Variants in TBC1D9B observed in about 807,000 individuals in gnomAD.
TBC1D9B encodes TBC1 domain family, member 9B (with GRAM domain).
In TBC1D9B, 87 loss-of-function variants were observed where a neutral mutation model predicts 121.1. The ratio of observed to expected loss-of-function variants is 0.72; its 90% confidence interval spans 0.60 to 0.86. The LOEUF (loss-of-function observed/expected upper bound fraction) is 0.86. Ranked by LOEUF, TBC1D9B falls within the 40% of genes least tolerant of loss-of-function variation. TBC1D9B has a pLI of 0.00. For missense variants in TBC1D9B, 1,540 were observed against 1,628.6 expected, an observed-to-expected ratio of 0.95 and a Z score of 0.94; for synonymous variants, 668 against 670.1, an observed-to-expected ratio of 1.00 and a Z score of 0.05.
Position 179,874,911 on chromosome 5 carries a change from A to T in TBC1D9B, c.2177T>A (p.Met726Lys). The T allele has an allele frequency of 6.2e-7, 1 of 1,613,244 alleles. No individual in the cohort carries two copies. The highest frequency in any genetic ancestry group is 8.5e-7 in the Non-Finnish European group (1 of 1,179,966). Residue 726 changes from methionine to lysine, a missense_variant, in exon 12 of 21, where the codon ATG becomes AAG. Physicochemically the swap from Met to Lys is moderately conservative, Grantham distance 95. Coordinates refer to ENST00000355235, the MANE Select transcript of TBC1D9B (RefSeq NM_015043.4). The surrounding 1 kb of genome is among the most constrained non-coding windows in gnomAD (Gnocchi z 4.3). ...GCSDEGEAMT[M>K]LGRYLDNVVN... is the part of the protein sequence containing the mutation. ...GAACCCGGCATGTCACCTGCCCAGC[A>T]TGGTCATGGCCTCGCCCTCGTCGCT... is the stretch of plus-strand genomic sequence containing the variant.
In TBC1D9B at chr5:179,863,478, A is replaced by C. The variant is rs772596176; in HGVS notation, c.3672T>G (p.Ser1224Arg). 2.5e-5 allele frequency: 40 copies of C among 1,614,040 alleles called. No individual in the cohort carries two copies. The highest frequency in any genetic ancestry group is 1.6e-4 in the Middle Eastern group (1 of 6,084). The change falls in exon 21 of 21, where the codon AGT becomes AGG. Residue 1224 changes from serine (S) to arginine (R), a missense_variant. Physicochemically the swap from Ser to Arg is moderately radical, Grantham distance 110 (BLOSUM62 -1). Transcript: ENST00000355235. The surrounding 1 kb of genome is among the most constrained non-coding windows in gnomAD (Gnocchi z 4.5). ...CGGAAACTCCAGGCTGCTCATGGTCACTGGCGGTGCTGAACTGTCTCTCCA... is the reference window on the plus strand; with the variant it reads ...CGGAAACTCCAGGCTGCTCATGGTCCCTGGCGGTGCTGAACTGTCTCTCCA... ...KKVERQFSTA[S>R]DHEQPGVSG is the part of the protein sequence containing the mutation.
chr5:179,893,578 C>G, intron 4 of TBC1D9B, 111 bp from the exon 5 acceptor site: 1 of 1,404,902 alleles, frequency 7.1e-7, no homozygotes, highest in Non-Finnish European at 9.5e-7. Context: ...GGGGGCAGCA[C>G]TTCCTGTGTG....
In TBC1D9B at chr5:179,862,144, A is replaced by G. The variant is rs1759856354; in HGVS notation, c.*1304T>C. On this transcript the variant is annotated 3_prime_UTR_variant, in exon 21 of 21. Transcript: ENST00000355235. ...TTAAGGTGCCTAATTCATAAACTTA[A>G]TCACAGGTATGTATGCATAGGAAAA... is the stretch of plus-strand genomic sequence containing the variant. The G allele has an allele frequency of 5.9e-6, 1 of 169,180 alleles. No homozygotes were observed. The highest frequency in any genetic ancestry group is 1.3e-5 in the Non-Finnish European group (1 of 76,788). 10.5% of individuals were successfully genotyped at this position (169,180 alleles called of 1,614,324 possible). A position where few individuals can be genotyped will look rare whatever the true frequency, so the allele number is the denominator to read the frequency against.
In TBC1D9B at chr5:179,891,552, G is replaced by T; in HGVS notation, c.871C>A (p.Arg291=). 6.2e-7 allele frequency: 1 copy of T among 1,613,786 alleles called. No homozygotes were observed. The highest frequency in any genetic ancestry group is 8.5e-7 in the Non-Finnish European group (1 of 1,179,986). The change falls in exon 6 of 21, where the codon CGA becomes AGA. Residue 291 remains arginine (R), a synonymous_variant. Coordinates refer to ENST00000355235, the MANE Select transcript of TBC1D9B (RefSeq NM_015043.4). This position sits in a 1 kb window ranked among gnomAD's most constrained non-coding sequence, Gnocchi z 4.3. ...TCCCTGGGCAGCCGGAACGTGGCTC[G>T]GTAGCACTCATTCTTGGCTCGGGCG... ...LDARAKNECY[R]ATFRLPRDER... is the part of the protein sequence containing the mutation.
Position 179,904,450 on chromosome 5 carries a change from C to A in TBC1D9B, c.229+252G>T, listed in dbSNP as rs1761253108. 6.6e-6 allele frequency among the ~76,000 whole-genome samples: 1 copy of A among 152,142 alleles called. No homozygotes were observed. Among genetic ancestry groups the A allele is most frequent in the African/African-American group, 2.4e-5 (1 of 41,420 alleles). On this transcript the variant is annotated intron_variant, in intron 2 of 20. Coordinates refer to ENST00000355235, the MANE Select transcript of TBC1D9B (RefSeq NM_015043.4). This position sits in a 1 kb window ranked among gnomAD's most constrained non-coding sequence, Gnocchi z 4.2. ...CCGTGTTAGCCAGGATGGTCTCGAT[C>A]TCCTGACCTCGTGATCAGCCCGCCT...
At position 179,891,323 on chromosome 5, in the gene TBC1D9B, C is replaced by A. The variant is rs778450493; in HGVS notation, c.1044+56G>T. On this transcript the variant is annotated intron_variant, in intron 6 of 20. Coordinates refer to ENST00000355235, the MANE Select transcript of TBC1D9B (RefSeq NM_015043.4). The surrounding 1 kb of genome is among the most constrained non-coding windows in gnomAD (Gnocchi z 4.3). Reference sequence around the variant, plus strand: ...AGAGCAGGACAGGCTGGTCCCTGAGCCCACTGACACCTCGGGGCTGGAAAG... The same window carrying A: ...AGAGCAGGACAGGCTGGTCCCTGAGACCACTGACACCTCGGGGCTGGAAAG... The A allele has an allele frequency of 9.2e-5, 148 of 1,600,652 alleles. No homozygotes were observed. The highest frequency in any genetic ancestry group is 1.2e-4 in the Non-Finnish European group (140 of 1,169,276).
Position 179,879,209 on chromosome 5 carries a change from G to C in TBC1D9B, c.1417-12C>G, listed in dbSNP as rs1321909006. The C allele has an allele frequency of 6.3e-7, 1 of 1,596,080 alleles. No individual in the cohort carries two copies. The highest frequency in any genetic ancestry group is 8.5e-7 in the Non-Finnish European group (1 of 1,177,800). The stretch of plus-strand genomic sequence containing the variant: ...ATCTTCTCCTTGGCCTGAGGGAAAA[G>C]CGCATCAGGGAGCCTGGGGGCCGAA... On this transcript the variant is annotated splice_polypyrimidine_tract_variant and intron_variant, in intron 8 of 20. Coordinates refer to ENST00000355235, the MANE Select transcript of TBC1D9B (RefSeq NM_015043.4).
At chr5:179,906,459 G>A (rs537664241) in intron 1 of TBC1D9B, among the ~76,000 whole-genome samples, 13 of 152,260 alleles carry the variant, frequency 8.5e-5, no homozygotes, top group Non-Finnish European at 1.6e-4. Context: ...GCCGAGCACA[G>A]CACAAGTGTT....
At position 179,905,082 on chromosome 5, in the gene TBC1D9B, T is replaced by C. The variant is rs1490771615; in HGVS notation, c.119-270A>G. On this transcript the variant is annotated intron_variant, in intron 1 of 20. Transcript: ENST00000355235. ...CAGGCAGAGGCAGATACAAGTTTCA[T>C]GGGGCCAGAGCTTAAACAATTCTGG... is the stretch of plus-strand genomic sequence containing the variant. 7.2e-5 allele frequency among the ~76,000 whole-genome samples: 11 copies of C among 152,356 alleles called. No individual in the cohort carries two copies. In the East Asian group the frequency reaches 1.9e-3, roughly 27 times the overall value.
chr5:179,895,899 G>A (rs886755724), intron 3 of TBC1D9B, among the ~76,000 whole-genome samples: 1 of 152,184 alleles, frequency 6.6e-6, no homozygotes, highest in African/African-American at 2.4e-5. Context: ...ATTTTGAGCT[G>A]AAGGCAATTA....
rs542388230 is a variant in TBC1D9B, at chr5:179,862,270, G to A, written c.*1178C>T. ...ATCCCCTGTGGATAAGGGGGTAACT[G>A]CTGTATCTTTTAGTAGAAGCAAGAG... On this transcript the variant is annotated 3_prime_UTR_variant, in exon 21 of 21. Coordinates refer to ENST00000355235, the MANE Select transcript of TBC1D9B (RefSeq NM_015043.4). The A allele has an allele frequency of 1.5e-5, 4 of 265,472 alleles. No homozygotes were observed. The East Asian group carries it at 3.2e-4, about 21-fold the overall frequency. The allele number at this position is 265,472 out of a possible 1,614,324, so 16.4% of individuals were successfully genotyped here.
Position 179,864,091 on chromosome 5 carries a change from ATGT to A in TBC1D9B, c.3056_3058del (p.Asn1019del), listed in dbSNP as rs776760858. 2.5e-6 allele frequency: 4 copies of A among 1,613,070 alleles called. No homozygotes were observed. The highest frequency in any genetic ancestry group is 2.7e-5 in the African/African-American group (2 of 74,908). The stretch of plus-strand genomic sequence containing the variant: ...CTGCTCCATGGGGTCTTCACTGAAC[ATGT>A]TGTAAAGCGTCTTGCACAGCTCAAT... On this transcript the variant is annotated inframe_deletion, in exon 21 of 21. Transcript: ENST00000355235.
intron 5 of TBC1D9B, among the ~76,000 whole-genome samples, chr5:179,892,700 T>C (rs1229098749): frequency 2.0e-5 from 3 of 152,252 alleles, no homozygotes; most frequent in East Asian, 3.9e-4. Context: ...GGGGGTCCCA[T>C]GGCTGTGAGA....
At chr5:179,888,816 C>T (rs1029368544) in intron 6 of TBC1D9B, among the ~76,000 whole-genome samples, 3 of 152,162 alleles carry the variant, frequency 2.0e-5, no homozygotes, top group African/African-American at 7.2e-5. Context: ...CAGCTGAGCA[C>T]AGTCAGCAGG....
chr5:179,887,744 C>G (rs1760731465), intron 7 of TBC1D9B: 1 of 304,978 alleles, frequency 3.3e-6, no homozygotes, highest in East Asian at 9.3e-5. Context: ...AGAACTTCAG[C>G]CTGAACGCCT....
At chr5:179,896,085 TTC>T (rs1761009099) in intron 3 of TBC1D9B, among the ~76,000 whole-genome samples, 1 of 120,870 alleles carries the variant, frequency 8.3e-6, no homozygotes, top group African/African-American at 2.7e-5. Context: ...CGTATTTATC[TTC>T]TCACAGTTTC....
In TBC1D9B at chr5:179,890,218, G is replaced by A. The variant is rs1760821660; in HGVS notation, c.1044+1161C>T. On this transcript the variant is annotated intron_variant, in intron 6 of 20. Transcript: ENST00000355235. This position sits in a 1 kb window ranked among gnomAD's most constrained non-coding sequence, Gnocchi z 5.0. ...GAGGAGCAGGTGTGTTGAGGGGTCA[G>A]CGCTGGCTGGGCAGGCGGCCCCCAC... Among the ~76,000 whole-genome samples the A allele has an allele frequency of 6.6e-6, 1 of 152,158 alleles. No homozygotes were observed. The highest frequency in any genetic ancestry group is 1.5e-5 in the Non-Finnish European group (1 of 68,010).
In TBC1D9B at chr5:179,902,875, C is replaced by T. The variant is rs997709975; in HGVS notation, c.229+1827G>A. 2.0e-5 allele frequency among the ~76,000 whole-genome samples: 3 copies of T among 151,646 alleles called. No homozygotes were observed. The highest frequency in any genetic ancestry group is 7.3e-5 in the African/African-American group (3 of 40,906). ...TCGGGGGTCTAACTGGGCTTCCCTG[C>T]TTGGCCTTGGACAAACTCCCCTTCC... On this transcript the variant is annotated intron_variant, in intron 2 of 20. Transcript: ENST00000355235. This position sits in a 1 kb window ranked among gnomAD's most constrained non-coding sequence, Gnocchi z 4.9.
rs980150427 is a variant in TBC1D9B at position 179,902,939 on chromosome 5, G to A, written c.229+1763C>T. Among the ~76,000 whole-genome samples the A allele has an allele frequency of 6.6e-6, 1 of 152,140 alleles. No homozygotes were observed. The highest frequency in any genetic ancestry group is 2.4e-5 in the African/African-American group (1 of 41,432). Reference sequence around the variant, plus strand: ...GTTATTCAGTCCTGCAAAGGAGAAGGGCACTGCTGGTCAGGATGCCCGTGC... The same window carrying A: ...GTTATTCAGTCCTGCAAAGGAGAAGAGCACTGCTGGTCAGGATGCCCGTGC... On this transcript the variant is annotated intron_variant, in intron 2 of 20. Coordinates refer to ENST00000355235, the MANE Select transcript of TBC1D9B (RefSeq NM_015043.4). The surrounding 1 kb of genome is among the most constrained non-coding windows in gnomAD (Gnocchi z 4.9).
Sources: allele counts gnomAD v4.1 joint callset (sites outside exome capture counted in the v4.1 genomes callset), GRCh38; gene constraint gnomAD v4.1.1; non-coding constraint Gnocchi (gnomAD v3.1); transcripts MANE v1.5; gene names NCBI Gene and HGNC (gene_info 2026-07-23, HGNC 2026-07-21).